The following MYL4 variants were observed in gnomAD, a reference collection of about 807,000 sequenced individuals.
MYL4 encodes myosin light chain 4.
A neutral mutation model predicts 21.6 loss-of-function variants in MYL4; 16 were observed. The observed-to-expected ratio is 0.74, with a 90% CI of 0.50 to 1.12. MYL4 has a LOEUF of 1.12. Among genes scored for constraint, MYL4 ranks in the 50% most tolerant of loss-of-function variants. The pLI, the probability that MYL4 is intolerant of heterozygous loss-of-function variation, is 0.00. For missense variants in MYL4, 249 were observed against 252.9 expected, an observed-to-expected ratio of 0.98 and a Z score of 0.11; for synonymous variants, 82 against 95.7, an observed-to-expected ratio of 0.86 and a Z score of 0.83.
At chr17:47,197,395 G>A (rs1268528509), upstream of MYL4, among the ~76,000 whole-genome samples, 5 of 152,112 alleles carry the variant, frequency 3.3e-5, no homozygotes, top group Admixed American at 3.3e-4. Context: ...ACCGCACCCG[G>A]CCAAATCCTT....
chr17:47,215,826 T>C (rs772806294), intron 2 of MYL4, among the ~76,000 whole-genome samples: 13 of 152,204 alleles, frequency 8.5e-5, no homozygotes, highest in Non-Finnish European at 1.8e-4. Flanking sequence ...GGTCTTGCTC[T>C]CTCACCTAGG....
rs374600823 is a variant in MYL4 at position 47,210,904 on chromosome 17, C to T, written c.135+1347C>T. 3.9e-5 allele frequency among the ~76,000 whole-genome samples: 6 copies of T among 152,182 alleles called. No individual in the cohort carries two copies. In the East Asian group the frequency reaches 7.7e-4, roughly 20 times the overall value. On this transcript the variant is annotated intron_variant, in intron 1 of 6. Transcript: ENST00000393450. ...GGCAGGAAAAGCTGACTATTTCACC[C>T]TTCAGGATCCCTCCTCGCCTTTATT...
In MYL4 at chr17:47,212,997, T is replaced by C. The variant is rs185414110; in HGVS notation, c.136-802T>C. Among the ~76,000 whole-genome samples, 679 of 152,124 alleles carry C rather than the reference T, an allele frequency of 4.5e-3. 2 individuals are homozygous for C. Among genetic ancestry groups the C allele is most frequent in the Non-Finnish European group, 6.6e-3 (450 of 67,998 alleles). On this transcript the variant is annotated intron_variant, in intron 1 of 6. Coordinates refer to ENST00000393450, the MANE Select transcript of MYL4 (RefSeq NM_002476.2). ...TGGGATGCGGTGTGGGAAGCCTTCA[T>C]TGAAGGGAGTGGATTTAAAATCAGA...
chr17:47,223,355 C>T (rs895301814), intron 6 of MYL4, 154 bp from the exon 7 acceptor site: 15 of 371,240 alleles, frequency 4.0e-5, no homozygotes, highest in African/African-American at 1.9e-4. Flanking sequence ...GTGAGAAAGC[C>T]GATCCCAAGT....
At chr17:47,222,551 C>T in intron 5 of MYL4, 94 bp downstream of exon 5, 1 of 1,200,018 alleles carries the variant, frequency 8.3e-7, no homozygotes, top group Non-Finnish European at 1.2e-6. Flanking sequence ...GGGTATGTGT[C>T]TGAGGTGGGT....
At chr17:47,213,080 G>A (rs2064787975) in intron 1 of MYL4, among the ~76,000 whole-genome samples, 1 of 152,150 alleles carries the variant, frequency 6.6e-6, no homozygotes, top group African/African-American at 2.4e-5. Context: ...GAGGGCAGAA[G>A]TGCAGCTTGT....
Position 47,212,155 on chromosome 17 carries a change from G to A in MYL4, c.136-1644G>A, listed in dbSNP as rs147782214. ...CGCTTGAACTTGGGAGGCGAAGGTCGCAGTGAGCCAAGATCACACCATTGC... is the reference window on the plus strand; with the variant it reads ...CGCTTGAACTTGGGAGGCGAAGGTCACAGTGAGCCAAGATCACACCATTGC... On this transcript the variant is annotated intron_variant, in intron 1 of 6. Transcript: ENST00000393450. Among the ~76,000 whole-genome samples, 627 of 152,188 alleles carry A rather than the reference G, an allele frequency of 4.1e-3. 2 individuals carry two copies. The highest frequency in any genetic ancestry group is 0.014 in the African/African-American group (586 of 41,498).
chr17:47,209,197 C>T (rs2149040530), upstream of MYL4: 6 of 660,564 alleles, frequency 9.1e-6, no homozygotes, highest in Admixed American at 7.3e-5. Context: ...GGGCTGGTGG[C>T]CCCAAACCTG....
the MYL4 span, among the ~76,000 whole-genome samples, chr17:47,190,974 A>G: frequency 2.6e-5 from 4 of 152,216 alleles, no homozygotes; most frequent in Admixed American, 6.5e-5. Context: ...TGTCAGTGGT[A>G]GCTATTGGCT....
chr17:47,210,205 G>T (rs2064763699), intron 1 of MYL4, among the ~76,000 whole-genome samples: 1 of 152,172 alleles, frequency 6.6e-6, no homozygotes. Context: ...GGCCCACCCT[G>T]GGCTGAGACC....
upstream of MYL4, among the ~76,000 whole-genome samples, chr17:47,200,230 A>G (rs547561065): frequency 1.6e-4 from 24 of 151,192 alleles, no homozygotes; most frequent in South Asian, 3.4e-3. Context: ...AGAGGAAGTC[A>G]GTGGAAAGGG....
chr17:47,219,202 G>A (rs1184738767), intron 2 of MYL4, among the ~76,000 whole-genome samples: 1 of 152,246 alleles, frequency 6.6e-6, no homozygotes, highest in East Asian at 1.9e-4. Flanking sequence ...AGGCAGTACT[G>A]ATAACAGCTG....
Position 47,209,557 on chromosome 17 carries a change from G to T in MYL4, c.135G>T (p.Lys45Asn). The T allele has an allele frequency of 6.2e-7, 1 of 1,614,222 alleles. No homozygotes were observed. The highest frequency in any genetic ancestry group is 1.1e-5 in the South Asian group (1 of 91,080). Residue 45 changes from lysine to asparagine, a missense_variant and splice_region_variant, in exon 1 of 7, where the codon AAG becomes AAT. Coordinates refer to ENST00000393450, the MANE Select transcript of MYL4 (RefSeq NM_002476.2). ...KEPAFDPKSVKIDFTADQIEE... is the reference protein window; with the variant it reads ...KEPAFDPKSVNIDFTADQIEE... ...CTGCCTTTGACCCCAAGAGTGTAAA[G>T]GTAAGTGAGGCTCAGCCATTGGGAT...
At chr17:47,195,332 C>T in the MYL4 span, among the ~76,000 whole-genome samples, 3 of 150,914 alleles carry the variant, frequency 2.0e-5, no homozygotes, top group South Asian at 6.3e-4. Flanking sequence ...CAGGTTCAAG[C>T]GATTCTCCTG....
intron 3 of MYL4, 40 bp downstream of exon 3, chr17:47,220,093 C>A (rs749466552): frequency 1.3e-6 from 2 of 1,553,858 alleles, no homozygotes; most frequent in South Asian, 1.2e-5. Flanking sequence ...CAGGGTCAGG[C>A]TTGCAGCCCC....
chr17:47,190,304 A>G, the MYL4 span, among the ~76,000 whole-genome samples: 1 of 152,176 alleles, frequency 6.6e-6, no homozygotes, highest in Non-Finnish European at 1.5e-5. Context: ...AAAAAGGATT[A>G]AGAGAATTCG....
the MYL4 span, among the ~76,000 whole-genome samples, chr17:47,192,109 C>G: frequency 3.3e-5 from 5 of 152,196 alleles, no homozygotes; most frequent in Non-Finnish European, 7.3e-5. Flanking sequence ...AATCCCAACA[C>G]TTTGGGAGGC....
chr17:47,190,415 T>C, the MYL4 span, among the ~76,000 whole-genome samples: 1 of 152,168 alleles, frequency 6.6e-6, no homozygotes, highest in African/African-American at 2.4e-5. Context: ...CAGGGGACTG[T>C]TTAAATTTTG....
At chr17:47,193,668 A>G in the MYL4 span, among the ~76,000 whole-genome samples, 1 of 150,470 alleles carries the variant, frequency 6.6e-6, no homozygotes, top group Admixed American at 6.6e-5. Context: ...CTTCTCACCC[A>G]CCCTACACAT....
Sources: gnomAD v4.1 joint callset for allele counts (sites outside exome capture counted in the v4.1 genomes callset) on GRCh38, gnomAD v4.1.1 for gene constraint, MANE v1.5 for transcripts, NCBI Gene and HGNC (gene_info 2026-07-23, HGNC 2026-07-21) for gene names.